Variants in CNTNAP2 observed in about 807,000 individuals in gnomAD.
The protein encoded by CNTNAP2 is contactin associated protein 2.
Under a neutral mutation model 155.2 loss-of-function variants are expected in CNTNAP2, and 98 were observed. The observed-to-expected ratio is 0.63, with a 90% CI of 0.54 to 0.75. The LOEUF (loss-of-function observed/expected upper bound fraction) is 0.75, where lower values mean the gene tolerates loss of function less well. Among genes scored for constraint, CNTNAP2 ranks in the 30% least tolerant of loss-of-function variants. The pLI is 0.00. For synonymous variants in CNTNAP2, 651 were observed against 631.2 expected, an observed-to-expected ratio of 1.03 and a Z score of -0.47; for missense variants, 1,727 against 1,688.1, an observed-to-expected ratio of 1.02 and a Z score of -0.40.
chr7:147,857,785 A>G (rs1472141668), intron 13 of CNTNAP2, among the ~76,000 whole-genome samples: 1 of 152,238 alleles, frequency 6.6e-6, no homozygotes, highest in Admixed American at 6.5e-5. Context: ...AGAGCACTAG[A>G]AAAATTCGTA....
At chr7:148,267,767 A>G (rs1796699707) in intron 21 of CNTNAP2, among the ~76,000 whole-genome samples, 1 of 152,144 alleles carries the variant, frequency 6.6e-6, no homozygotes, top group African/African-American at 2.4e-5. Flanking sequence ...CGTGGCATAA[A>G]CTACAACCCA....
Position 146,769,592 on chromosome 7 carries a change from C to A in CNTNAP2, c.98-4679C>A, listed in dbSNP as rs116394679. ...AGGTGTTCCCTCTTTCTAAAATTTC[C>A]TTTCTACCTATCTGTAGTCTCTAAT... On this transcript the variant is annotated intron_variant, in intron 1 of 23. Coordinates refer to ENST00000361727, the MANE Select transcript of CNTNAP2 (RefSeq NM_014141.6). Among the ~76,000 whole-genome samples, 824 of 152,214 alleles carry A rather than the reference C, an allele frequency of 5.4e-3. 8 individuals carry two copies. Among genetic ancestry groups the A allele is most frequent in the African/African-American group, 0.019 (782 of 41,516 alleles).
chr7:146,516,144 G>A (rs1447559939), intron 1 of CNTNAP2, among the ~76,000 whole-genome samples: 1 of 151,914 alleles, frequency 6.6e-6, no homozygotes, highest in Non-Finnish European at 1.5e-5. Flanking sequence ...CTGTGTTCTG[G>A]TTAGAGGCGC....
At chr7:148,164,611 CTTTTTTTTTTTTTTTTTT>C in intron 17 of CNTNAP2, among the ~76,000 whole-genome samples, 1 of 93,566 alleles carries the variant, frequency 1.1e-5, no homozygotes, top group East Asian at 3.1e-4. Flanking sequence ...TTTTCTCTCT[CTTTTTTTTTTTTTTTTTT>C]TTTTTTTTTG....
intron 1 of CNTNAP2, among the ~76,000 whole-genome samples, chr7:146,132,478 A>C (rs977335355): frequency 6.6e-6 from 1 of 151,834 alleles, no homozygotes; most frequent in Non-Finnish European, 1.5e-5. Context: ...GGTTAGTTAC[A>C]TATGTATACA....
chr7:147,807,666 T>C (rs1356893887), intron 13 of CNTNAP2, among the ~76,000 whole-genome samples: 3 of 152,170 alleles, frequency 2.0e-5, no homozygotes, highest in Non-Finnish European at 1.5e-5. Context: ...GTAAAAGTTA[T>C]TGGTCTCTGT....
rs530401073 is a variant in CNTNAP2 at position 146,714,399 on chromosome 7, A to G, written c.98-59872A>G. On this transcript the variant is annotated intron_variant, in intron 1 of 23. Transcript: ENST00000361727. ...ACACCATACTATATTTAAAACAACTAGTTTCTAATCATGGAAGTAAGACAC... is the reference window on the plus strand; with the variant it reads ...ACACCATACTATATTTAAAACAACTGGTTTCTAATCATGGAAGTAAGACAC... 1.5e-4 allele frequency among the ~76,000 whole-genome samples: 23 copies of G among 152,340 alleles called. No homozygotes were observed. In the South Asian group the frequency reaches 4.1e-3, roughly 27 times the overall value.
intron 1 of CNTNAP2, among the ~76,000 whole-genome samples, chr7:146,194,911 G>T (rs1584796675): frequency 6.6e-6 from 1 of 152,110 alleles, no homozygotes; most frequent in Non-Finnish European, 1.5e-5. Flanking sequence ...TACACTGCTG[G>T]TCACTTCTCC....
chr7:146,166,401 C>T (rs1453357569), intron 1 of CNTNAP2, among the ~76,000 whole-genome samples: 4 of 152,064 alleles, frequency 2.6e-5, no homozygotes, highest in Non-Finnish European at 5.9e-5. Context: ...CCATATTTCC[C>T]CCATTTTTAA....
intron 9 of CNTNAP2, among the ~76,000 whole-genome samples, chr7:147,317,831 T>C (rs1795262225): frequency 2.0e-5 from 3 of 150,814 alleles, no homozygotes; most frequent in African/African-American, 2.4e-5. Flanking sequence ...TGTGTGTGCG[T>C]GTATATATGT....
chr7:147,465,224 G>T (rs1413596057), intron 10 of CNTNAP2, among the ~76,000 whole-genome samples: 2 of 152,138 alleles, frequency 1.3e-5, no homozygotes, highest in Non-Finnish European at 2.9e-5. Context: ...TTATTATTTG[G>T]GTGATGGGTT....
intron 1 of CNTNAP2, among the ~76,000 whole-genome samples, chr7:146,767,483 C>A (rs1022847857): frequency 3.9e-5 from 6 of 152,090 alleles, no homozygotes; most frequent in African/African-American, 1.2e-4. Flanking sequence ...ATAGCAATGA[C>A]TTCTATGGAT....
chr7:146,912,008 A>G (rs1796293707), intron 3 of CNTNAP2, among the ~76,000 whole-genome samples: 1 of 152,072 alleles, frequency 6.6e-6, no homozygotes, highest in African/African-American at 2.4e-5. Context: ...TTATTAAATG[A>G]AATAAATATT....
At chr7:147,957,973 G>C (rs1801049353) in intron 14 of CNTNAP2, among the ~76,000 whole-genome samples, 1 of 152,136 alleles carries the variant, frequency 6.6e-6, no homozygotes, top group African/African-American at 2.4e-5. Context: ...TGCTTGGAAG[G>C]CTGAGATGGA....
intron 21 of CNTNAP2, among the ~76,000 whole-genome samples, chr7:148,374,882 G>T (rs1798954478): frequency 6.6e-6 from 1 of 152,214 alleles, no homozygotes; most frequent in East Asian, 1.9e-4. Flanking sequence ...GATTTCCCAT[G>T]AAGTAAATCA....
chr7:147,758,144 AGCT>A (rs1797244678), intron 13 of CNTNAP2, among the ~76,000 whole-genome samples: 1 of 152,232 alleles, frequency 6.6e-6, no homozygotes, highest in African/African-American at 2.4e-5. Flanking sequence ...GGAAATACCT[AGCT>A]GCTAAGATTC....
intron 18 of CNTNAP2, among the ~76,000 whole-genome samples, chr7:148,199,762 G>A (rs1316621217): frequency 6.6e-6 from 1 of 152,208 alleles, no homozygotes; most frequent in Admixed American, 6.5e-5. Flanking sequence ...GAACCAGTAG[G>A]ATAGAGAGAG....
chr7:147,392,978 A>G (rs1001292527), intron 9 of CNTNAP2, among the ~76,000 whole-genome samples: 8 of 152,086 alleles, frequency 5.3e-5, no homozygotes, highest in Non-Finnish European at 1.2e-4. Context: ...ACAATGATGA[A>G]TATTCATTAC....
At chr7:146,679,523 T>C (rs950045073) in intron 1 of CNTNAP2, among the ~76,000 whole-genome samples, 4 of 151,752 alleles carry the variant, frequency 2.6e-5, no homozygotes, top group Admixed American at 1.3e-4. Flanking sequence ...GCCCAGCTAA[T>C]TTTTTGTATT....
Sources: allele counts gnomAD v4.1 joint callset (sites outside exome capture counted in the v4.1 genomes callset), GRCh38; gene constraint gnomAD v4.1.1; transcripts MANE v1.5; gene names NCBI Gene and HGNC (gene_info 2026-07-23, HGNC 2026-07-21).